The following TIMP3 variants were observed in gnomAD, a reference collection of about 807,000 sequenced individuals.
TIMP3 encodes metalloproteinase inhibitor 3.
Under a neutral mutation model 30.0 loss-of-function variants are expected in TIMP3, and 11 were observed. The ratio of observed to expected loss-of-function variants is 0.37; its 90% CI spans 0.23 to 0.61. TIMP3 has a LOEUF of 0.61. TIMP3 is among the 20% of genes least tolerant of loss of function. The pLI, the probability that TIMP3 is intolerant of heterozygous loss-of-function variation, is 0.70. For synonymous variants in TIMP3, 112 were observed against 111.3 expected (o/e 1.01, Z -0.04); for missense variants, 181 against 276.8 (o/e 0.65, Z 2.45).
intron 1 of TIMP3, among the ~76,000 whole-genome samples, chr22:32,810,775 T>C (rs2046896003): frequency 6.6e-6 from 1 of 152,230 alleles, no homozygotes; most frequent in African/African-American, 2.4e-5. Context: ...TCAGATTTCA[T>C]GAAGACTTGG....
At chr22:32,848,259 G>A (rs1418336635) in intron 1 of TIMP3, among the ~76,000 whole-genome samples, 1 of 152,202 alleles carries the variant, frequency 6.6e-6, no homozygotes, top group Admixed American at 6.5e-5. Flanking sequence ...TGTATTCATA[G>A]TTAACTAGTA....
At chr22:32,831,976 G>A (rs985605764) in intron 1 of TIMP3, among the ~76,000 whole-genome samples, 2 of 152,176 alleles carry the variant, frequency 1.3e-5, no homozygotes, top group African/African-American at 4.8e-5. Context: ...GGCGTGGCAG[G>A]CTGTCGGCAT....
At position 32,855,179 on chromosome 22, in the gene TIMP3, A is replaced by G. The variant is rs145407245; in HGVS notation, c.205-2070A>G. Among the ~76,000 whole-genome samples the G allele has an allele frequency of 1.6e-4, 25 of 152,318 alleles. 1 individual carries two copies. In the East Asian group the frequency reaches 4.8e-3, roughly 29 times the overall value. On this transcript the variant is annotated intron_variant, in intron 2 of 4. Transcript: ENST00000266085. ...AACTGAGGGGATAACAGAATTGTGC[A>G]ACACCTTGGTGCCCCACCGCCCCCG...
chr22:32,802,098 G>T lies in TIMP3; in HGVS notation c.97G>T (p.Asp33Tyr). ...CACATGCTCGCCCAGCCACCCCCAG[G>T]ACGCCTTCTGCAACTCCGACATCGG... ...ACTCSPSHPQ[D>Y]AFCNSDIVIR... The change falls in exon 1 of 5, where the codon GAC becomes TAC. Residue 33 changes from aspartate to tyrosine, a missense_variant. By Grantham distance (160) the Asp-to-Tyr change is radical. Coordinates refer to ENST00000266085, the MANE Select transcript of TIMP3 (RefSeq NM_000362.5). The T allele has an allele frequency of 6.3e-7, 1 of 1,581,436 alleles. No individual in the cohort carries two copies. The highest frequency in any genetic ancestry group is 1.8e-5 in the Admixed American group (1 of 56,672).
At chr22:32,825,033 G>A (rs1457012510) in intron 1 of TIMP3, among the ~76,000 whole-genome samples, 5 of 152,150 alleles carry the variant, frequency 3.3e-5, no homozygotes, top group South Asian at 2.1e-4. Context: ...CTTTGAAATC[G>A]CAGGCTGGGT....
chr22:32,814,556 T>G (rs549154935), intron 1 of TIMP3, among the ~76,000 whole-genome samples: 1 of 152,330 alleles, frequency 6.6e-6, no homozygotes, highest in Admixed American at 6.5e-5. Flanking sequence ...CTTCAGGTGC[T>G]GATAAATATG....
intron 1 of TIMP3, 152 bp downstream of exon 1, chr22:32,802,274 C>A: frequency 8.0e-7 from 1 of 1,244,692 alleles, no homozygotes; most frequent in Non-Finnish European, 1.1e-6. Context: ...TGTCCTTGGG[C>A]GGGGGCGCTG....
intron 2 of TIMP3, 101 bp downstream of exon 2, chr22:32,849,635 C>T (rs2048163696): frequency 3.0e-6 from 3 of 1,016,626 alleles, no homozygotes; most frequent in Non-Finnish European, 3.0e-6. Context: ...GGGTGTGTGT[C>T]TAAGCACCAG....
chr22:32,803,916 A>C (rs2145942262), intron 1 of TIMP3, among the ~76,000 whole-genome samples: 1 of 152,244 alleles, frequency 6.6e-6, no homozygotes, highest in Admixed American at 6.5e-5. Flanking sequence ...CTACCCTAAA[A>C]ATTGACCACG....
chr22:32,857,422 A>G lies in TIMP3; in HGVS notation c.316+62A>G, dbSNP rs530369469. 7.7e-5 allele frequency: 95 copies of G among 1,233,228 alleles called. No individual in the cohort carries two copies. The African/African-American group carries it at 1.2e-3, about 15-fold the overall frequency. 76.4% of individuals were successfully genotyped at this position (1,233,228 alleles called of 1,614,324 possible). The stretch of plus-strand genomic sequence containing the variant: ...CCAAGGTCCACTGTTTCTTGACTTC[A>G]GAAGAACACATACGGAGTAGTTGAC... On this transcript the variant is annotated intron_variant, in intron 3 of 4. Coordinates refer to ENST00000266085, the MANE Select transcript of TIMP3 (RefSeq NM_000362.5).
At chr22:32,804,640 G>A (rs756326893) in intron 1 of TIMP3, among the ~76,000 whole-genome samples, 1 of 152,208 alleles carries the variant, frequency 6.6e-6, no homozygotes, top group Non-Finnish European at 1.5e-5. Flanking sequence ...CTCATCCACA[G>A]GTGTCTCTTT....
At position 32,860,301 on chromosome 22, in the gene TIMP3, C is replaced by T. The variant is rs1206478868; in HGVS notation, c.*924C>T. 1 of 152,590 alleles carries T rather than the reference C, an allele frequency of 6.6e-6. No homozygotes were observed. 9.5% of individuals were successfully genotyped at this position (152,590 alleles called of 1,614,324 possible). The stretch of plus-strand genomic sequence containing the variant: ...AAATACACACACCATACACTATCCA[C>T]AGATATAGCCAAGTAGATTTGGGTA... On this transcript the variant is annotated 3_prime_UTR_variant, in exon 5 of 5. Coordinates refer to ENST00000266085, the MANE Select transcript of TIMP3 (RefSeq NM_000362.5).
intron 1 of TIMP3, among the ~76,000 whole-genome samples, chr22:32,841,110 T>C (rs1367698712): frequency 6.6e-6 from 1 of 152,228 alleles, no homozygotes; most frequent in Non-Finnish European, 1.5e-5. Flanking sequence ...TGGCACTTTA[T>C]ACAAGAAATC....
chr22:32,814,260 AGAGG>A (rs1299995088), intron 1 of TIMP3, among the ~76,000 whole-genome samples: 16 of 137,286 alleles, frequency 1.2e-4, no homozygotes, highest in African/African-American at 3.4e-4. Flanking sequence ...AAAGAAAGAA[AGAGG>A]GAGGGAGGGA....
At chr22:32,817,875 T>C (rs2047129145) in intron 1 of TIMP3, among the ~76,000 whole-genome samples, 1 of 152,198 alleles carries the variant, frequency 6.6e-6, no homozygotes, top group Non-Finnish European at 1.5e-5. Flanking sequence ...AACCCCACCC[T>C]GGTCCCCTGG....
At chr22:32,833,159 C>T (rs1038133549) in intron 1 of TIMP3, among the ~76,000 whole-genome samples, 6 of 152,162 alleles carry the variant, frequency 3.9e-5, no homozygotes, top group Non-Finnish European at 7.4e-5. Context: ...ACCTTGTATA[C>T]TGATCGGTGG....
intron 1 of TIMP3, among the ~76,000 whole-genome samples, chr22:32,834,577 C>G (rs1482414732): frequency 6.6e-6 from 1 of 152,164 alleles, no homozygotes; most frequent in Admixed American, 6.5e-5. Context: ...GTGGAGGTGG[C>G]AGGGGGAGGT....
intron 1 of TIMP3, among the ~76,000 whole-genome samples, chr22:32,832,456 GA>G (rs937098375): frequency 6.6e-6 from 1 of 150,788 alleles, no homozygotes; most frequent in Non-Finnish European, 1.5e-5. Flanking sequence ...AAAATGAATG[GA>G]AAAAAACAGA....
At chr22:32,814,181 A>AG (rs1555969972) in intron 1 of TIMP3, among the ~76,000 whole-genome samples, 3,219 of 109,580 alleles carry the variant, frequency 0.029, 57 homozygotes, top group Non-Finnish European at 0.034. Context: ...AGAAAGAAAG[A>AG]AAAGAAAGAA....
Sources: allele counts gnomAD v4.1 joint callset (sites outside exome capture counted in the v4.1 genomes callset), GRCh38; gene constraint gnomAD v4.1.1; transcripts MANE v1.5; gene names NCBI Gene and HGNC (gene_info 2026-07-23, HGNC 2026-07-21).